The following BUB1 variants were observed in gnomAD, a reference collection of about 807,000 sequenced individuals.
BUB1 encodes mitotic checkpoint serine/threonine-protein kinase BUB1.
In BUB1, 84 loss-of-function variants were observed where a neutral mutation model predicts 135.2. The observed-to-expected ratio is 0.62, with a 90% CI of 0.52 to 0.74. BUB1 has a LOEUF of 0.74. Ranked by LOEUF, BUB1 falls within the 30% of genes least tolerant of loss-of-function variation. The pLI is 0.00. For missense variants in BUB1, 1,162 were observed against 1,288.3 expected, an observed-to-expected ratio of 0.90 and a Z score of 1.50; for synonymous variants, 403 against 434.4, an observed-to-expected ratio of 0.93 and a Z score of 0.90.
chr2:110,672,178 G>A (rs1024933099), intron 4 of BUB1, among the ~76,000 whole-genome samples: 1 of 152,018 alleles, frequency 6.6e-6, no homozygotes, highest in African/African-American at 2.4e-5. Flanking sequence ...AGTGAGCTGA[G>A]ATTACACCAT....
chr2:110,653,172 G>C (rs552957545), intron 17 of BUB1, among the ~76,000 whole-genome samples: 8 of 152,284 alleles, frequency 5.3e-5, no homozygotes, highest in Admixed American at 4.6e-4. Context: ...GTATTCTGGA[G>C]AATGTCCTTC....
intron 5 of BUB1, 32 bp downstream of exon 5, chr2:110,670,490 GACA>G: frequency 1.9e-6 from 3 of 1,609,574 alleles, no homozygotes; most frequent in South Asian, 2.2e-5. Context: ...AGACTAAATG[GACA>G]ACAACAGGCA....
intron 4 of BUB1, among the ~76,000 whole-genome samples, chr2:110,670,989 C>T (rs1470645503): frequency 2.0e-5 from 3 of 152,188 alleles, no homozygotes; most frequent in Middle Eastern, 3.2e-3. Context: ...AAAAGGCAGA[C>T]ATCATTGTTC....
chr2:110,674,439 A>G, intron 1 of BUB1, 74 bp from the exon 2 acceptor site: 2 of 1,397,110 alleles, frequency 1.4e-6, no homozygotes, highest in Non-Finnish European at 2.0e-6. Flanking sequence ...TTCATTTTAT[A>G]TATACCATTT....
chr2:110,653,595 G>A (rs1003880152), intron 16 of BUB1, 72 bp from the exon 17 acceptor site: 114 of 1,267,418 alleles, frequency 9.0e-5, no homozygotes, highest in Non-Finnish European at 1.2e-4. Context: ...CATTTGATAT[G>A]GTTACAAAGT....
intron 16 of BUB1, among the ~76,000 whole-genome samples, chr2:110,654,602 A>T (rs1414515923): frequency 6.6e-6 from 1 of 150,912 alleles, no homozygotes; most frequent in Non-Finnish European, 1.5e-5. Context: ...GACTCATTAA[A>T]CTACTTTTCC....
At chr2:110,677,825 G>T in intron 1 of BUB1, 145 bp downstream of exon 1, 1 of 967,532 alleles carries the variant, frequency 1.0e-6, no homozygotes. Context: ...CTCTCAAGCA[G>T]CCCACGGCCT....
At position 110,663,790 on chromosome 2, in the gene BUB1, G is replaced by A. The variant is rs370113507; in HGVS notation, c.958-1949C>T. 9.2e-5 allele frequency among the ~76,000 whole-genome samples: 14 copies of A among 152,234 alleles called. No individual in the cohort carries two copies. The East Asian group carries it at 1.2e-3, about 13-fold the overall frequency. On this transcript the variant is annotated intron_variant, in intron 9 of 24. Coordinates refer to ENST00000302759, the MANE Select transcript of BUB1 (RefSeq NM_004336.5). ...AAGCCTGTAATCCCAACACTTTGGGGGGCCAAGGTGGGCGGATCACGAGGT... is the reference window on the plus strand; with the variant it reads ...AAGCCTGTAATCCCAACACTTTGGGAGGCCAAGGTGGGCGGATCACGAGGT...
intron 18 of BUB1, 140 bp from the exon 19 acceptor site, chr2:110,649,517 T>C (rs2104525657): frequency 7.3e-6 from 6 of 822,596 alleles, no homozygotes; most frequent in Non-Finnish European, 1.0e-5. Context: ...TAATTCAAAA[T>C]AAAAAAGAAC....
chr2:110,642,330 A>G, intron 19 of BUB1, 96 bp from the exon 20 acceptor site: 1 of 726,676 alleles, frequency 1.4e-6, no homozygotes, highest in South Asian at 2.1e-5. Flanking sequence ...AGTTTTCTGT[A>G]TACTTCGCAT....
intron 19 of BUB1, among the ~76,000 whole-genome samples, chr2:110,643,476 G>C (rs1689558730): frequency 6.6e-6 from 1 of 152,152 alleles, no homozygotes; most frequent in Non-Finnish European, 1.5e-5. Context: ...TCACACTAAA[G>C]GTCTATTTAA....
At chr2:110,666,446 A>G in intron 8 of BUB1, 32 bp from the exon 9 acceptor site, 1 of 1,318,360 alleles carries the variant, frequency 7.6e-7, no homozygotes, top group Non-Finnish European at 9.8e-7. Flanking sequence ...TTTGCATGCA[A>G]AATTTAAATC....
At chr2:110,640,027 C>T in intron 23 of BUB1, 179 bp from the exon 24 acceptor site, 1 of 676,920 alleles carries the variant, frequency 1.5e-6, no homozygotes, top group Non-Finnish European at 2.7e-6. Flanking sequence ...TAGGCTTTGC[C>T]ACAGGCTTCC....
intron 4 of BUB1, 112 bp downstream of exon 4, chr2:110,672,549 T>G: frequency 4.3e-6 from 5 of 1,171,134 alleles, no homozygotes; most frequent in Non-Finnish European, 5.9e-6. Flanking sequence ...TTATCCACAT[T>G]GTCCAAAACT....
intron 23 of BUB1, chr2:110,640,085 G>C: frequency 1.7e-6 from 1 of 595,456 alleles, no homozygotes; most frequent in East Asian, 3.4e-5. Flanking sequence ...TCCCTCTCAA[G>C]TCCTTCATTC....
At position 110,641,347 on chromosome 2, in the gene BUB1, G is replaced by A. The variant is rs762266309; in HGVS notation, c.2743C>T (p.His915Tyr). Residue 915 changes from histidine to tyrosine, a missense_variant, in exon 22 of 25, where the codon CAT (histidine) becomes TAT (tyrosine). By Grantham distance (83) the His-to-Tyr change is moderately conservative. Coordinates refer to ENST00000302759, the MANE Select transcript of BUB1 (RefSeq NM_004336.5). ...IEQVHDCEII[H>Y]GDIKPDNFIL... ...AAATTGTCTGGTTTAATGTCTCCAT[G>A]AATGATTTCACAGTCATGCACTTGC... 1 of 1,613,624 alleles carries A rather than the reference G, an allele frequency of 6.2e-7. No homozygotes were observed.
chr2:110,668,569 T>C (rs745478234), intron 6 of BUB1, among the ~76,000 whole-genome samples: 41 of 152,248 alleles, frequency 2.7e-4, no homozygotes, highest in Admixed American at 5.9e-4. Context: ...TTGATGAACT[T>C]TGAAAGAAAG....
chr2:110,655,930 T>C lies in BUB1; in HGVS notation c.1699-14A>G, dbSNP rs1346144445. Reference sequence around the variant, plus strand: ...AGGCACTTCCTCCTATAACAGAAGATGAAATGAAAAAAAAGCAGCAATCTC... The same window carrying C: ...AGGCACTTCCTCCTATAACAGAAGACGAAATGAAAAAAAAGCAGCAATCTC... On this transcript the variant is annotated splice_polypyrimidine_tract_variant and intron_variant, in intron 15 of 24. Transcript: ENST00000302759. 1.9e-6 allele frequency: 3 copies of C among 1,604,826 alleles called. No homozygotes were observed. Among genetic ancestry groups the C allele is most frequent in the Admixed American group, 3.4e-5 (2 of 58,276 alleles).
chr2:110,663,898 A>T (rs376608745), intron 9 of BUB1, among the ~76,000 whole-genome samples: 2 of 151,768 alleles, frequency 1.3e-5, no homozygotes, highest in Non-Finnish European at 2.9e-5. Flanking sequence ...GCATGGTGGC[A>T]GGCGCCTGTA....
Sources: gnomAD v4.1 joint callset for allele counts (sites outside exome capture counted in the v4.1 genomes callset) on GRCh38, gnomAD v4.1.1 for gene constraint, MANE v1.5 for transcripts, NCBI Gene and HGNC (gene_info 2026-07-23, HGNC 2026-07-21) for gene names.